TTC29: variants seen among roughly 807,000 people sequenced by gnomAD.
TTC29 encodes tetratricopeptide repeat protein 29.
Under a neutral mutation model 58.1 loss-of-function variants are expected in TTC29, and 49 were observed. The ratio of observed to expected loss-of-function variants is 0.84; its 90% confidence interval spans 0.67 to 1.07. The LOEUF (loss-of-function observed/expected upper bound fraction) is 1.07, where lower values mean the gene tolerates loss of function less well. Ranked by LOEUF, TTC29 falls within the 50% of genes least tolerant of loss-of-function variation. The pLI is 0.00. For missense variants in TTC29, 582 were observed against 555.6 expected, an observed-to-expected ratio of 1.05 and a Z score of -0.48; for synonymous variants, 209 against 196.8, an observed-to-expected ratio of 1.06 and a Z score of -0.52.
intron 10 of TTC29, among the ~76,000 whole-genome samples, chr4:146,810,958 C>A (rs1188544624): frequency 6.6e-6 from 1 of 152,100 alleles, no homozygotes; most frequent in Admixed American, 6.5e-5. Flanking sequence ...TCCTCTAATT[C>A]GTTTACTGCT....
chr4:146,779,004 G>GAAAAGAAAAGAAAAGA (rs1554013323), intron 11 of TTC29, among the ~76,000 whole-genome samples: 7 of 79,900 alleles, frequency 8.8e-5, no homozygotes, highest in Non-Finnish European at 1.2e-4. Context: ...AAAAAAAAAA[G>GAAAAGAAAAGAAAAGA]AAAAGAAAAG....
At chr4:146,762,092 T>G (rs1746949829) in intron 11 of TTC29, among the ~76,000 whole-genome samples, 1 of 151,926 alleles carries the variant, frequency 6.6e-6, no homozygotes, top group African/African-American at 2.4e-5. Context: ...TTCCTTTCAT[T>G]TCGTCTCTTA....
intron 11 of TTC29, among the ~76,000 whole-genome samples, chr4:146,763,438 AG>A (rs774388401): frequency 3.9e-5 from 6 of 152,060 alleles, no homozygotes; most frequent in Non-Finnish European, 7.4e-5. Flanking sequence ...TATAGATCTC[AG>A]GCCTCCCAGC....
intron 11 of TTC29, among the ~76,000 whole-genome samples, chr4:146,800,591 A>T (rs1174425320): frequency 6.6e-6 from 1 of 152,178 alleles, no homozygotes; most frequent in East Asian, 1.9e-4. Flanking sequence ...GTCATCCTTC[A>T]TTCATGTGAT....
chr4:146,930,721 ACT>A (rs1419633066), intron 4 of TTC29, among the ~76,000 whole-genome samples: 1 of 152,216 alleles, frequency 6.6e-6, no homozygotes, highest in East Asian at 1.9e-4. Flanking sequence ...CAAAGACAAA[ACT>A]CAACATAATA....
intron 11 of TTC29, among the ~76,000 whole-genome samples, chr4:146,778,976 C>CAAAAAAAAAAAAAAAAAAA (rs369374851): frequency 2.6e-3 from 73 of 28,552 alleles, no homozygotes; most frequent in South Asian, 8.1e-3. Context: ...CCTAAATAAG[C>CAAAAAAAAAAAAAAAAAAA]AAAAAAAAAA....
chr4:146,939,225 C>T (rs540770445), intron 3 of TTC29, among the ~76,000 whole-genome samples: 8 of 152,196 alleles, frequency 5.3e-5, no homozygotes, highest in South Asian at 4.2e-4. Flanking sequence ...GAGGCCAAGG[C>T]GGGTGAATCA....
intron 11 of TTC29, among the ~76,000 whole-genome samples, chr4:146,770,160 T>C (rs960231037): frequency 6.6e-6 from 1 of 151,970 alleles, no homozygotes; most frequent in Non-Finnish European, 1.5e-5. Context: ...AATGCCTATT[T>C]AAATCCAAAT....
At chr4:146,854,681 A>G (rs1048768839) in intron 8 of TTC29, among the ~76,000 whole-genome samples, 3 of 152,030 alleles carry the variant, frequency 2.0e-5, no homozygotes, top group African/African-American at 7.2e-5. Context: ...CACATACAGA[A>G]TTTCACTCAC....
chr4:146,825,080 G>A (rs1412952860), intron 9 of TTC29, among the ~76,000 whole-genome samples: 1 of 151,952 alleles, frequency 6.6e-6, no homozygotes, highest in African/African-American at 2.4e-5. Context: ...TTTTTGGAGG[G>A]TTTTTCATGT....
chr4:146,925,553 C>T (rs17022141), intron 4 of TTC29, among the ~76,000 whole-genome samples: 11,396 of 152,090 alleles, frequency 0.075, 1,454 homozygotes, highest in African/African-American at 0.26. Context: ...CTTTGTACTT[C>T]TGTGTGGCCA....
At chr4:146,728,860 C>CACATATATATGTATATATATACGT (rs1561066862) in intron 11 of TTC29, among the ~76,000 whole-genome samples, 2,653 of 61,994 alleles carry the variant, frequency 0.043, 410 homozygotes, top group Non-Finnish European at 0.052. Flanking sequence ...TATATATACA[C>CACATATATATGTATATATATACGT]ATATATATGT....
At chr4:146,826,338 G>C (rs953303362) in intron 9 of TTC29, among the ~76,000 whole-genome samples, 1 of 152,136 alleles carries the variant, frequency 6.6e-6, no homozygotes, top group African/African-American at 2.4e-5. Flanking sequence ...TGCTTGTCTG[G>C]AAAGGATTTT....
At chr4:146,755,802 A>G (rs1299958518) in intron 11 of TTC29, among the ~76,000 whole-genome samples, 1 of 152,146 alleles carries the variant, frequency 6.6e-6, no homozygotes, top group Non-Finnish European at 1.5e-5. Flanking sequence ...TCACAAATCC[A>G]AAGGTTGCAC....
In TTC29 at chr4:146,903,464, G is replaced by T; in HGVS notation, c.586+80C>A. 3 of 1,284,612 alleles carry T rather than the reference G, an allele frequency of 2.3e-6. No homozygotes were observed. The South Asian group carries it at 5.1e-5, about 22-fold the overall frequency. The allele number at this position is 1,284,612 out of a possible 1,614,324, so 79.6% of individuals were successfully genotyped here. Reference sequence around the variant, plus strand: ...GCTGAAATCTCAGGTCTTTTTTCTCGACCACCACGTGTTTTTCCATTGTGT... The same window carrying T: ...GCTGAAATCTCAGGTCTTTTTTCTCTACCACCACGTGTTTTTCCATTGTGT... On this transcript the variant is annotated intron_variant, in intron 6 of 12. Transcript: ENST00000325106.
intron 8 of TTC29, among the ~76,000 whole-genome samples, chr4:146,864,112 T>C (rs955240553): frequency 3.9e-5 from 6 of 152,144 alleles, no homozygotes; most frequent in African/African-American, 1.4e-4. Context: ...CTCCAGACCC[T>C]CATATTTAAC....
At chr4:146,921,122 A>G (rs1579987530) in intron 4 of TTC29, among the ~76,000 whole-genome samples, 2 of 151,612 alleles carry the variant, frequency 1.3e-5, no homozygotes, top group African/African-American at 4.8e-5. Context: ...CGCTGCGCAC[A>G]TGAACAGTGA....
intron 11 of TTC29, among the ~76,000 whole-genome samples, chr4:146,770,101 C>T (rs2150072876): frequency 6.6e-6 from 1 of 151,988 alleles, no homozygotes; most frequent in East Asian, 1.9e-4. Context: ...GTTCCTTAGG[C>T]TCACTTGGGG....
intron 8 of TTC29, among the ~76,000 whole-genome samples, chr4:146,854,661 A>G (rs1554023486): frequency 6.6e-6 from 1 of 152,040 alleles, no homozygotes; most frequent in Non-Finnish European, 1.5e-5. Context: ...CTGGTATGCC[A>G]CCAGGAAATC....
Sources: allele counts gnomAD v4.1 joint callset (sites outside exome capture counted in the v4.1 genomes callset), GRCh38; gene constraint gnomAD v4.1.1; transcripts MANE v1.5; gene names NCBI Gene and HGNC (gene_info 2026-07-23, HGNC 2026-07-21).